Variants in PTDSS1 observed in about 807,000 individuals in gnomAD.
The protein encoded by PTDSS1 is PSS-1.
Under a neutral mutation model 70.5 loss-of-function variants are expected in PTDSS1, and 45 were observed. The ratio of observed to expected loss-of-function variants is 0.64; its 90% CI spans 0.50 to 0.82. The LOEUF (loss-of-function observed/expected upper bound fraction) is 0.82. Ranked by LOEUF, PTDSS1 falls within the 40% of genes least tolerant of loss-of-function variation. The pLI is 0.00. For missense variants in PTDSS1, 417 were observed against 586.1 expected (o/e 0.71, Z 2.98); for synonymous variants, 188 against 203.8 (o/e 0.92, Z 0.66).
chr8:96,319,778 A>G (rs1366788952), intron 9 of PTDSS1, among the ~76,000 whole-genome samples: 2 of 152,182 alleles, frequency 1.3e-5, no homozygotes, highest in African/African-American at 2.4e-5. Context: ...CTCACCTGCG[A>G]CATGCTAGGG....
intron 1 of PTDSS1, among the ~76,000 whole-genome samples, chr8:96,270,475 C>T (rs1810549802): frequency 6.6e-6 from 1 of 152,150 alleles, no homozygotes; most frequent in Admixed American, 6.5e-5. Flanking sequence ...GTTTGGCATC[C>T]TCACCTGTCA....
chr8:96,312,452 C>T (rs538415405), intron 9 of PTDSS1, among the ~76,000 whole-genome samples: 5 of 150,490 alleles, frequency 3.3e-5, no homozygotes, highest in Non-Finnish European at 7.4e-5. Flanking sequence ...GAGCAAGACC[C>T]TGTCTCTCTC....
At chr8:96,270,315 C>G (rs975086957) in intron 1 of PTDSS1, among the ~76,000 whole-genome samples, 9 of 151,964 alleles carry the variant, frequency 5.9e-5, no homozygotes, top group Non-Finnish European at 1.0e-4. Context: ...CTCATGTGGA[C>G]TCTGCAGCCA....
chr8:96,268,676 T>G (rs1334642494), intron 1 of PTDSS1, among the ~76,000 whole-genome samples: 1 of 151,918 alleles, frequency 6.6e-6, no homozygotes, highest in Non-Finnish European at 1.5e-5. Flanking sequence ...TTCCTGATAC[T>G]TCCTGCTGTT....
At chr8:96,268,810 T>C (rs1359607322) in intron 1 of PTDSS1, among the ~76,000 whole-genome samples, 1 of 152,110 alleles carries the variant, frequency 6.6e-6, no homozygotes, top group Non-Finnish European at 1.5e-5. Flanking sequence ...TAGCCCTCTG[T>C]AGCCAACACT....
chr8:96,296,713 T>C (rs1453619539), intron 5 of PTDSS1, among the ~76,000 whole-genome samples: 2 of 152,168 alleles, frequency 1.3e-5, no homozygotes, highest in African/African-American at 2.4e-5. Flanking sequence ...GCGGTGCATA[T>C]AGGTTCTCAC....
At chr8:96,301,316 G>T (rs1191551252) in intron 6 of PTDSS1, among the ~76,000 whole-genome samples, 1 of 151,924 alleles carries the variant, frequency 6.6e-6, no homozygotes, top group Non-Finnish European at 1.5e-5. Flanking sequence ...GGCTGGTCTC[G>T]AACTCCTGAC....
At chr8:96,309,481 G>T in intron 8 of PTDSS1, 76 bp from the exon 9 acceptor site, 1 of 1,397,388 alleles carries the variant, frequency 7.2e-7, no homozygotes. Flanking sequence ...TTTTTACTTT[G>T]TCAAAGTGAT....
intron 2 of PTDSS1, among the ~76,000 whole-genome samples, chr8:96,276,978 G>GTGCACACACA (rs879397533): frequency 1.5e-5 from 2 of 129,634 alleles, no homozygotes; most frequent in African/African-American, 2.7e-5. Flanking sequence ...GCGCACGCGC[G>GTGCACACACA]CGCACACACA....
intron 1 of PTDSS1, 133 bp from the exon 2 acceptor site, chr8:96,273,166 A>G (rs1810590144): frequency 3.2e-6 from 2 of 626,220 alleles, no homozygotes; most frequent in Non-Finnish European, 2.7e-6. Context: ...TAAATCTCTT[A>G]TTTCAGAACC....
chr8:96,276,452 G>A (rs1030774949), intron 2 of PTDSS1, among the ~76,000 whole-genome samples: 5 of 152,118 alleles, frequency 3.3e-5, no homozygotes, highest in South Asian at 4.1e-4. Flanking sequence ...ACTGAAGCTC[G>A]GTTTCCTTAT....
At chr8:96,315,551 C>T (rs149344211) in intron 9 of PTDSS1, among the ~76,000 whole-genome samples, 28 of 152,280 alleles carry the variant, frequency 1.8e-4, no homozygotes, top group African/African-American at 5.3e-4. Context: ...CTCAACTCAC[C>T]GAAGAGCTCC....
At chr8:96,330,091 T>G in intron 10 of PTDSS1, 122 bp from the exon 11 acceptor site, 1 of 915,222 alleles carries the variant, frequency 1.1e-6, no homozygotes, top group East Asian at 2.6e-5. Context: ...GTCCAGCCGT[T>G]TTGTAACCGG....
At chr8:96,319,983 G>T (rs1283108898) in intron 9 of PTDSS1, among the ~76,000 whole-genome samples, 1 of 152,196 alleles carries the variant, frequency 6.6e-6, no homozygotes, top group African/African-American at 2.4e-5. Flanking sequence ...GCTGAGTTAG[G>T]TGATGCCAGT....
intron 11 of PTDSS1, 76 bp downstream of exon 11, chr8:96,330,357 G>T: frequency 7.2e-7 from 1 of 1,385,004 alleles, no homozygotes; most frequent in Non-Finnish European, 1.0e-6. Flanking sequence ...CAGAGCACGT[G>T]CCTGTAAGGA....
intron 8 of PTDSS1, chr8:96,309,313 C>A (rs1372976736): frequency 3.4e-6 from 1 of 297,492 alleles, no homozygotes; most frequent in Non-Finnish European, 6.2e-6. Flanking sequence ...CCCCGGCACT[C>A]AGACCAGACA....
In PTDSS1 at chr8:96,335,381, T is replaced by C. The variant is rs1002491572; in HGVS notation, c.*1815T>C. Reference sequence around the variant, plus strand: ...GTGCCCATTGGAGAAGACACCTGTCTCTTCTTTCTCACACCGGTGGTGCCT... The same window carrying C: ...GTGCCCATTGGAGAAGACACCTGTCCCTTCTTTCTCACACCGGTGGTGCCT... On this transcript the variant is annotated 3_prime_UTR_variant, in exon 13 of 13. Coordinates refer to ENST00000517309, the MANE Select transcript of PTDSS1 (RefSeq NM_014754.3). 2.0e-5 allele frequency: 3 copies of C among 152,244 alleles called. No individual in the cohort carries two copies. The highest frequency in any genetic ancestry group is 4.4e-5 in the Non-Finnish European group (3 of 68,048). The allele number at this position is 152,244 out of a possible 1,614,324, so 9.4% of individuals were successfully genotyped here.
intron 9 of PTDSS1, among the ~76,000 whole-genome samples, chr8:96,311,860 A>C (rs1811216513): frequency 6.6e-6 from 1 of 152,208 alleles, no homozygotes. Flanking sequence ...GTGTACTGGA[A>C]GAAGGGATGT....
chr8:96,330,747 G>T, intron 11 of PTDSS1: 1 of 451,316 alleles, frequency 2.2e-6, no homozygotes, highest in Non-Finnish European at 4.0e-6. Flanking sequence ...CTGGTAGACG[G>T]TAATATTTTT....
Sources: allele counts gnomAD v4.1 joint callset (sites outside exome capture counted in the v4.1 genomes callset), GRCh38; gene constraint gnomAD v4.1.1; transcripts MANE v1.5; gene names NCBI Gene and HGNC (gene_info 2026-07-23, HGNC 2026-07-21).